The following ZNF143 variants were observed in gnomAD, a reference collection of about 807,000 sequenced individuals.
ZNF143 encodes SPH-binding factor.
In ZNF143, 49 loss-of-function variants were observed where a neutral mutation model predicts 74.1. The observed-to-expected ratio is 0.66, with a 90% CI of 0.53 to 0.84. The LOEUF (loss-of-function observed/expected upper bound fraction) is 0.84, where lower values mean the gene tolerates loss of function less well. Ranked by LOEUF, ZNF143 falls within the 40% of genes least tolerant of loss-of-function variation. The pLI, the probability that ZNF143 is intolerant of heterozygous loss-of-function variation, is 0.00. For missense variants in ZNF143, 637 were observed against 793.4 expected, an observed-to-expected ratio of 0.80 and a Z score of 2.37; for synonymous variants, 304 against 282.8, an observed-to-expected ratio of 1.07 and a Z score of -0.75.
intron 10 of ZNF143, among the ~76,000 whole-genome samples, chr11:9,500,328 TTTC>T (rs1033929130): frequency 8.3e-6 from 1 of 121,054 alleles, no homozygotes; most frequent in African/African-American, 2.9e-5. Flanking sequence ...GGCACTAGAT[TTTC>T]TTTTTTTTTT....
intron 3 of ZNF143, chr11:9,473,713 C>T: frequency 7.2e-7 from 1 of 1,398,300 alleles, no homozygotes; most frequent in Non-Finnish European, 9.7e-7. Context: ...TCCTCTTGAC[C>T]TCATCTAATT....
chr11:9,468,418 C>G (rs1856373330), intron 1 of ZNF143, among the ~76,000 whole-genome samples: 1 of 152,190 alleles, frequency 6.6e-6, no homozygotes, highest in South Asian at 2.1e-4. Context: ...AGGTATCAGG[C>G]TCTACCTACC....
intron 4 of ZNF143, 106 bp downstream of exon 4, chr11:9,474,130 T>C (rs1245341845): frequency 2.3e-6 from 2 of 879,208 alleles, no homozygotes; most frequent in Non-Finnish European, 3.8e-6. Flanking sequence ...TGTTCTCAAG[T>C]CCTCCTTCTG....
rs377397554 is a variant in ZNF143 at position 9,469,091 on chromosome 11, G to A, written c.-7-2211G>A. On this transcript the variant is annotated intron_variant, in intron 1 of 15. Transcript: ENST00000396602. ...GGAGGTTGCAGTGATCTGAGATCAC[G>A]CCATTGCACTCTAGCCTCGGCTACA... Among the ~76,000 whole-genome samples, 18 of 150,106 alleles carry A rather than the reference G, an allele frequency of 1.2e-4. 1 individual carries two copies. Among genetic ancestry groups the A allele is most frequent in the East Asian group, 4.0e-4 (2 of 5,056 alleles).
chr11:9,486,423 T>TATATTATATATATA (rs1847532409), intron 7 of ZNF143, among the ~76,000 whole-genome samples: 2 of 38,082 alleles, frequency 5.3e-5, no homozygotes, highest in Non-Finnish European at 1.0e-4. Flanking sequence ...ATATATATTA[T>TATATTATATATATA]ATATATTATA....
At chr11:9,526,797 G>A (rs965541630) in intron 15 of ZNF143, among the ~76,000 whole-genome samples, 4 of 152,100 alleles carry the variant, frequency 2.6e-5, no homozygotes, top group African/African-American at 9.7e-5. Flanking sequence ...ACGGCAGGCT[G>A]GGAGTACAGG....
At chr11:9,466,926 CTG>C (rs1856264724) in intron 1 of ZNF143, among the ~76,000 whole-genome samples, 2 of 151,580 alleles carry the variant, frequency 1.3e-5, no homozygotes, top group African/African-American at 2.4e-5. Context: ...CAGAGTCTCT[CTG>C]TGTCACCCAG....
chr11:9,503,046 C>T (rs956005767), intron 11 of ZNF143, among the ~76,000 whole-genome samples: 6 of 151,992 alleles, frequency 3.9e-5, no homozygotes, highest in African/African-American at 9.7e-5. Flanking sequence ...TTAGCCAGGA[C>T]GGTCTCGATC....
At chr11:9,490,294 CTT>C (rs56672880) in intron 7 of ZNF143, among the ~76,000 whole-genome samples, 7 of 94,022 alleles carry the variant, frequency 7.4e-5, no homozygotes, top group Admixed American at 1.3e-4. Flanking sequence ...TTTTTTTTTG[CTT>C]TTTTTTTTTT....
In ZNF143 at chr11:9,512,545, A is replaced by G; in HGVS notation, c.1473A>G (p.Gln491=). 6.2e-7 allele frequency: 1 copy of G among 1,614,230 alleles called. No individual in the cohort carries two copies. Among genetic ancestry groups the G allele is most frequent in the Non-Finnish European group, 8.5e-7 (1 of 1,180,044 alleles). ...VVSTQVATVT[Q]SGLSQQVTLI... ...CTACACAAGTAGCCACAGTAACCCAATCTGGACTGAGTCAACAAGTTACAC... is the reference window on the plus strand; with the variant it reads ...CTACACAAGTAGCCACAGTAACCCAGTCTGGACTGAGTCAACAAGTTACAC... The change falls in exon 13 of 16, where the codon CAA becomes CAG. Residue 491 remains glutamine (Q), a synonymous_variant. Coordinates refer to ENST00000396602, the MANE Select transcript of ZNF143 (RefSeq NM_003442.6).
At chr11:9,478,201 A>G (rs1057183425) in intron 5 of ZNF143, among the ~76,000 whole-genome samples, 189 bp from the exon 6 acceptor site, 55 of 152,196 alleles carry the variant, frequency 3.6e-4, no homozygotes, top group African/African-American at 1.3e-3. Flanking sequence ...CCATTTATAC[A>G]ATGAAGGCAG....
intron 10 of ZNF143, among the ~76,000 whole-genome samples, chr11:9,499,976 T>C (rs1488977868): frequency 6.6e-6 from 1 of 152,218 alleles, no homozygotes; most frequent in Non-Finnish European, 1.5e-5. Flanking sequence ...AGTGTCTCAC[T>C]TCAGTGCCCA....
intron 15 of ZNF143, 105 bp from the exon 16 acceptor site, chr11:9,527,425 G>A: frequency 9.7e-7 from 1 of 1,031,448 alleles, no homozygotes; most frequent in Non-Finnish European, 1.5e-6. Flanking sequence ...CCAAGTGTCA[G>A]AATTACAGAG....
chr11:9,518,539 C>A (rs571185481), intron 14 of ZNF143, among the ~76,000 whole-genome samples: 4 of 152,236 alleles, frequency 2.6e-5, no homozygotes, highest in African/African-American at 9.6e-5. Context: ...CATGGTGAAA[C>A]CCCGTCTCTA....
chr11:9,513,527 A>G (rs1848623661), intron 13 of ZNF143, among the ~76,000 whole-genome samples: 1 of 152,238 alleles, frequency 6.6e-6, no homozygotes, highest in Non-Finnish European at 1.5e-5. Flanking sequence ...TTCCCTATAC[A>G]GGAAAAATTC....
rs1379557410 is a variant in ZNF143, at chr11:9,527,897, A to G, written c.*284A>G. On this transcript the variant is annotated 3_prime_UTR_variant, in exon 16 of 16. Transcript: ENST00000396602. Reference sequence around the variant, plus strand: ...CAGATCACAAACTCCTAGAGTCTACATGCAAGACTAGTAAAGTCTTATGGA... The same window carrying G: ...CAGATCACAAACTCCTAGAGTCTACGTGCAAGACTAGTAAAGTCTTATGGA... 2 of 241,686 alleles carry G rather than the reference A, an allele frequency of 8.3e-6. No individual in the cohort carries two copies. The highest frequency in any genetic ancestry group is 1.6e-5 in the Non-Finnish European group (2 of 125,616). The allele number at this position is 241,686 out of a possible 1,614,324, so 15.0% of individuals were successfully genotyped here.
At chr11:9,484,786 G>A (rs1338383175) in intron 7 of ZNF143, among the ~76,000 whole-genome samples, 32 of 84,824 alleles carry the variant, frequency 3.8e-4, no homozygotes, top group African/African-American at 9.6e-4. Flanking sequence ...GTGAGCCACC[G>A]CACCTGGCCA....
chr11:9,464,977 A>T (rs537794598), intron 1 of ZNF143, among the ~76,000 whole-genome samples: 92 of 152,302 alleles, frequency 6.0e-4, no homozygotes, highest in Middle Eastern at 6.8e-3. Flanking sequence ...AATTTGTTAA[A>T]TGTGAATTAA....
rs149120522 is a variant in ZNF143 at position 9,508,224 on chromosome 11, A to C, written c.1148-395A>C. 1.4e-3 allele frequency among the ~76,000 whole-genome samples: 217 copies of C among 152,338 alleles called. 2 individuals are homozygous for C. Among genetic ancestry groups the C allele is most frequent in the African/African-American group, 5.1e-3 (213 of 41,586 alleles). ...AAGACAATCCTTTTTTATTATCTTT[A>C]TGAAATTCTTAGGAAGCTGCATAAG... On this transcript the variant is annotated intron_variant, in intron 11 of 15. Coordinates refer to ENST00000396602, the MANE Select transcript of ZNF143 (RefSeq NM_003442.6).
Sources: gnomAD v4.1 joint callset for allele counts (sites outside exome capture counted in the v4.1 genomes callset) on GRCh38, gnomAD v4.1.1 for gene constraint, MANE v1.5 for transcripts, NCBI Gene and HGNC (gene_info 2026-07-23, HGNC 2026-07-21) for gene names.